NUS1: variants seen among roughly 807,000 people sequenced by gnomAD.
The protein encoded by NUS1 is dehydrodolichyl diphosphate synthase complex subunit NUS1.
For synonymous variants in NUS1, 135 were observed against 155.2 expected (o/e 0.87, Z 0.97); for missense variants, 292 against 382.9 (o/e 0.76, Z 1.98).
intron 1 of NUS1, among the ~76,000 whole-genome samples, chr6:117,678,964 G>C (rs1272883995): frequency 1.3e-5 from 2 of 152,274 alleles, no homozygotes; most frequent in East Asian, 1.9e-4. Context: ...TTACAGGTGT[G>C]AGCCACTGCG....
chr6:117,679,034 T>A (rs1476159640), intron 1 of NUS1, among the ~76,000 whole-genome samples: 1 of 152,184 alleles, frequency 6.6e-6, no homozygotes, highest in African/African-American at 2.4e-5. Flanking sequence ...TAGATAGATA[T>A]TTAACTATGA....
chr6:117,686,825 A>T (rs527935905), intron 1 of NUS1, among the ~76,000 whole-genome samples: 1 of 144,790 alleles, frequency 6.9e-6, no homozygotes, highest in African/African-American at 2.6e-5. Flanking sequence ...TATGTCTTGT[A>T]TTTCTTGTGT....
At position 117,710,577 on chromosome 6, in the gene NUS1, T is replaced by A. The variant is rs1773561055; in HGVS notation, c.*3562T>A. ...ACCGAGAATTTTTTGTACTATATTT[T>A]AAAAAATGTATTCTACTGTAACAAG... On this transcript the variant is annotated 3_prime_UTR_variant, in exon 5 of 5. Transcript: ENST00000368494. 6.6e-6 allele frequency: 1 copy of A among 152,154 alleles called. No individual in the cohort carries two copies. Among genetic ancestry groups the A allele is most frequent in the South Asian group, 2.1e-4 (1 of 4,828 alleles). The allele number at this position is 152,154 out of a possible 1,614,324, so 9.4% of individuals were successfully genotyped here.
chr6:117,681,901 C>T (rs898381614), intron 1 of NUS1, among the ~76,000 whole-genome samples: 15 of 152,156 alleles, frequency 9.9e-5, no homozygotes, highest in African/African-American at 3.1e-4. Context: ...GGTGCGATCT[C>T]GGCTCACTGC....
intron 1 of NUS1, among the ~76,000 whole-genome samples, chr6:117,680,902 G>A (rs149699665): frequency 2.3e-4 from 35 of 152,226 alleles, no homozygotes; most frequent in Middle Eastern, 3.4e-3. Flanking sequence ...AAGCTAGGTT[G>A]CTTTTGAAAT....
intron 3 of NUS1, among the ~76,000 whole-genome samples, chr6:117,701,916 C>T (rs1773416231): frequency 6.6e-6 from 1 of 152,070 alleles, no homozygotes; most frequent in South Asian, 2.1e-4. Context: ...ATGATTTCCA[C>T]ATTGGTTATG....
At chr6:117,700,574 C>G (rs1282981734) in intron 3 of NUS1, among the ~76,000 whole-genome samples, 2 of 152,172 alleles carry the variant, frequency 1.3e-5, no homozygotes, top group African/African-American at 2.4e-5. Flanking sequence ...TTGGAGGTTT[C>G]TCTAAAAACT....
intron 3 of NUS1, among the ~76,000 whole-genome samples, chr6:117,699,801 A>G (rs1285589654): frequency 1.3e-5 from 2 of 152,154 alleles, no homozygotes; most frequent in African/African-American, 4.8e-5. Flanking sequence ...GTACTGGCAT[A>G]AAAACAGACA....
intron 3 of NUS1, among the ~76,000 whole-genome samples, chr6:117,699,509 C>G (rs987132827): frequency 2.0e-5 from 3 of 152,004 alleles, no homozygotes; most frequent in Admixed American, 2.0e-4. Flanking sequence ...AAAATGTAAG[C>G]CTATTTCCTG....
chr6:117,704,444 C>A (rs760330302), intron 4 of NUS1, among the ~76,000 whole-genome samples: 1 of 152,158 alleles, frequency 6.6e-6, no homozygotes, highest in Non-Finnish European at 1.5e-5. Context: ...CAGTCACTTG[C>A]AACTGCTCCT....
chr6:117,688,431 G>C (rs1421694366), intron 1 of NUS1, among the ~76,000 whole-genome samples: 2 of 147,688 alleles, frequency 1.4e-5, no homozygotes, highest in East Asian at 3.9e-4. Flanking sequence ...TTTAGAAATA[G>C]AGCGTCAAGA....
intron 1 of NUS1, among the ~76,000 whole-genome samples, chr6:117,677,647 C>T (rs1773003427): frequency 6.6e-6 from 1 of 152,202 alleles, no homozygotes; most frequent in South Asian, 2.1e-4. Context: ...TCTCTGATTG[C>T]CCTATCATCT....
intron 1 of NUS1, among the ~76,000 whole-genome samples, chr6:117,680,498 C>A (rs1245341040): frequency 1.3e-5 from 2 of 152,154 alleles, no homozygotes; most frequent in Admixed American, 1.3e-4. Flanking sequence ...TGGTATTTTT[C>A]AAAACCTGTC....
At chr6:117,677,909 G>A (rs1168388903) in intron 1 of NUS1, among the ~76,000 whole-genome samples, 1 of 152,208 alleles carries the variant, frequency 6.6e-6, no homozygotes, top group East Asian at 1.9e-4. Flanking sequence ...AAGCAACGTG[G>A]TGGATTGATG....
chr6:117,678,607 T>C (rs1481626853), intron 1 of NUS1, among the ~76,000 whole-genome samples: 1 of 151,852 alleles, frequency 6.6e-6, no homozygotes, highest in African/African-American at 2.4e-5. Context: ...ATATAGGCCA[T>C]GTGGATATGT....
rs999186948 is a variant in NUS1 at position 117,709,475 on chromosome 6, A to G, written c.*2460A>G. Reference sequence around the variant, plus strand: ...TTATAAAGTTTAAAAGGTGGTTTTAATGTGAATAGCAAATTCTGGTATATC... The same window carrying G: ...TTATAAAGTTTAAAAGGTGGTTTTAGTGTGAATAGCAAATTCTGGTATATC... On this transcript the variant is annotated 3_prime_UTR_variant, in exon 5 of 5. Coordinates refer to ENST00000368494, the MANE Select transcript of NUS1 (RefSeq NM_138459.5). 1 of 146,544 alleles carries G rather than the reference A, an allele frequency of 6.8e-6. No homozygotes were observed. The highest frequency in any genetic ancestry group is 1.5e-5 in the Non-Finnish European group (1 of 66,672). 9.1% of individuals were successfully genotyped at this position (146,544 alleles called of 1,614,324 possible). A position where few individuals can be genotyped will look rare whatever the true frequency, so the allele number is the denominator to read the frequency against.
chr6:117,703,854 T>C, intron 4 of NUS1, 150 bp downstream of exon 4: 1 of 652,620 alleles, frequency 1.5e-6, no homozygotes, highest in Non-Finnish European at 2.7e-6. Flanking sequence ...TAAAATAAAG[T>C]CATACATAAA....
At chr6:117,701,397 A>G (rs929996757) in intron 3 of NUS1, among the ~76,000 whole-genome samples, 9 of 151,796 alleles carry the variant, frequency 5.9e-5, no homozygotes, top group African/African-American at 2.2e-4. Context: ...GGCGCCCGCC[A>G]CCGCGCCTGG....
intron 1 of NUS1, among the ~76,000 whole-genome samples, chr6:117,689,074 A>C (rs189435693): frequency 6.6e-6 from 1 of 152,330 alleles, no homozygotes; most frequent in African/African-American, 2.4e-5. Flanking sequence ...GAAAGTGAGA[A>C]TGGGCCATTC....
Sources: gnomAD v4.1 joint callset for allele counts (sites outside exome capture counted in the v4.1 genomes callset) on GRCh38, gnomAD v4.1.1 for gene constraint, MANE v1.5 for transcripts, NCBI Gene and HGNC (gene_info 2026-07-23, HGNC 2026-07-21) for gene names.